The following ABHD18 variants were observed in gnomAD, a reference collection of about 807,000 sequenced individuals.
ABHD18 encodes abhydrolase domain containing 18.
Under a neutral mutation model 65.9 loss-of-function variants are expected in ABHD18, and 55 were observed. The ratio of observed to expected loss-of-function variants is 0.84; its 90% CI spans 0.67 to 1.05. ABHD18 has a LOEUF of 1.05. ABHD18 is among the 50% of genes least tolerant of loss of function. The probability of loss-of-function intolerance (pLI) is 0.00; values close to 1 mark genes in which losing one functional copy is unlikely to be tolerated. For missense variants in ABHD18, 533 were observed against 558.5 expected (o/e 0.95, Z 0.46); for synonymous variants, 181 against 180.2 (o/e 1.00, Z -0.04).
rs1394228108 is a variant in ABHD18 at position 128,039,812 on chromosome 4, CTT to C, written c.*4001_*4002del. 1 of 151,986 alleles carries C rather than the reference CTT, an allele frequency of 6.6e-6. No homozygotes were observed. The highest frequency in any genetic ancestry group is 1.5e-5 in the Non-Finnish European group (1 of 67,994). The allele number at this position is 151,986 out of a possible 1,614,324, so 9.4% of individuals were successfully genotyped here. On this transcript the variant is annotated 3_prime_UTR_variant, in exon 13 of 13. Coordinates refer to ENST00000645843, the MANE Select transcript of ABHD18 (RefSeq NM_001358451.3). ...CTTGAACTGAGTGTATATGTTCCCT[CTT>C]TGTTATTATGCCCTAAACAAGGTAA...
chr4:127,979,109 A>C (rs980360189), intron 1 of ABHD18, among the ~76,000 whole-genome samples: 1 of 152,264 alleles, frequency 6.6e-6, no homozygotes, highest in South Asian at 2.1e-4. Flanking sequence ...AATATTTATC[A>C]TCATAATAAA....
At chr4:128,014,904 C>G (rs908897356) in intron 7 of ABHD18, among the ~76,000 whole-genome samples, 4 of 152,022 alleles carry the variant, frequency 2.6e-5, no homozygotes, top group Admixed American at 2.0e-4. Context: ...AGTGTAAAAC[C>G]CTGTCTCTAC....
intron 4 of ABHD18, among the ~76,000 whole-genome samples, chr4:128,007,873 T>A (rs1753879237): frequency 1.3e-5 from 2 of 152,184 alleles, no homozygotes; most frequent in African/African-American, 2.4e-5. Context: ...CTAAAAGTTT[T>A]AAAAAAAGAC....
At position 128,028,793 on chromosome 4, in the gene ABHD18, G is replaced by A. The variant is rs1560935741; in HGVS notation, c.1120G>A (p.Glu374Lys). ...ACAAAGCAGAAACAGTCTTCGGAAAGAGTCTTTAATATTTATGAAAGGAGT... is the reference window on the plus strand; with the variant it reads ...ACAAAGCAGAAACAGTCTTCGGAAAAAGTCTTTAATATTTATGAAAGGAGT... Reference protein sequence around the residue: ...KEQSRNSLRKESLIFMKGVMD... With the variant: ...KEQSRNSLRKKSLIFMKGVMD... The change falls in exon 11 of 13, where the codon GAG becomes AAG. Residue 374 changes from glutamate (E) to lysine (K), a missense_variant. Coordinates refer to ENST00000645843, the MANE Select transcript of ABHD18 (RefSeq NM_001358451.3). 6.2e-7 allele frequency: 1 copy of A among 1,609,160 alleles called. No homozygotes were observed. The highest frequency in any genetic ancestry group is 1.3e-5 in the African/African-American group (1 of 74,672).
chr4:127,986,026 A>G (rs561945584), intron 3 of ABHD18, among the ~76,000 whole-genome samples: 7 of 152,290 alleles, frequency 4.6e-5, no homozygotes, highest in African/African-American at 1.7e-4. Context: ...AGAAAAAAAA[A>G]TTGAGATAAA....
chr4:127,991,320 G>C (rs1215747014), intron 4 of ABHD18, among the ~76,000 whole-genome samples: 1 of 152,078 alleles, frequency 6.6e-6, no homozygotes, highest in Admixed American at 6.5e-5. Context: ...TCCGCCTCCC[G>C]GGTTCAGGTG....
At chr4:127,984,668 C>A (rs1049327649) in intron 3 of ABHD18, among the ~76,000 whole-genome samples, 2 of 151,828 alleles carry the variant, frequency 1.3e-5, no homozygotes, top group African/African-American at 4.8e-5. Flanking sequence ...ACCAGCCTGA[C>A]CAACATGGAG....
At chr4:128,008,234 C>T (rs1438590963) in intron 4 of ABHD18, among the ~76,000 whole-genome samples, 1 of 148,376 alleles carries the variant, frequency 6.7e-6, no homozygotes, top group African/African-American at 2.5e-5. Context: ...CGCCCTCTAG[C>T]CTGGGCAACA....
rs1758874139 is a variant in ABHD18 at position 128,036,261 on chromosome 4, TTTGA to T, written c.*449_*452del. 1.3e-5 allele frequency: 2 copies of T among 152,356 alleles called. No homozygotes were observed. Among genetic ancestry groups the T allele is most frequent in the African/African-American group, 4.8e-5 (2 of 41,474 alleles). The allele number at this position is 152,356 out of a possible 1,614,324, so 9.4% of individuals were successfully genotyped here. ...CTTGATTTGAGAAACATGTTTATTT[TTTGA>T]ATGTTCTTGTGTTCAACTAATTTTC... On this transcript the variant is annotated 3_prime_UTR_variant, in exon 13 of 13. Coordinates refer to ENST00000645843, the MANE Select transcript of ABHD18 (RefSeq NM_001358451.3).
chr4:128,038,981 A>AT lies in ABHD18; in HGVS notation c.*3174dup, dbSNP rs1759103013. 1 of 151,444 alleles carries AT rather than the reference A, an allele frequency of 6.6e-6. No homozygotes were observed. The highest frequency in any genetic ancestry group is 2.1e-4 in the South Asian group (1 of 4,822). 9.4% of individuals were successfully genotyped at this position (151,444 alleles called of 1,614,324 possible). On this transcript the variant is annotated 3_prime_UTR_variant, in exon 13 of 13. Transcript: ENST00000645843. ...AAAGTGCAAAATAACTTTTCTTAGGATTTTTTAATCTATTCCCCCCAAAAT... is the reference window on the plus strand; with the variant it reads ...AAAGTGCAAAATAACTTTTCTTAGGATTTTTTTAATCTATTCCCCCCAAAAT...
In ABHD18 at chr4:128,035,805, G is replaced by A. The variant is rs1196715199; in HGVS notation, c.1387G>A (p.Ala463Thr). 19 of 1,533,714 alleles carry A rather than the reference G, an allele frequency of 1.2e-5. No individual in the cohort carries two copies. In the Admixed American group the frequency reaches 2.4e-4, roughly 19 times the overall value. ...DAFDRFLHKYAN is the reference protein window; with the variant it reads ...DAFDRFLHKYTN Reference sequence around the variant, plus strand: ...ATTTGACCGCTTCCTCCATAAATACGCTAACTAGTTGGATTATTATATGTA... The same window carrying A: ...ATTTGACCGCTTCCTCCATAAATACACTAACTAGTTGGATTATTATATGTA... Residue 463 changes from alanine (A) to threonine (T), a missense_variant, in exon 13 of 13, where the codon GCT becomes ACT. Physicochemically the swap from Ala to Thr is moderately conservative, Grantham distance 58. Around this residue, in one of 3 missense-constraint regions of ABHD18, gnomAD observed 220 missense variants for 226.8 expected, o/e 0.97. Coordinates refer to ENST00000645843, the MANE Select transcript of ABHD18 (RefSeq NM_001358451.3).
chr4:127,980,152 G>T (rs1748756827), intron 1 of ABHD18, among the ~76,000 whole-genome samples: 1 of 152,112 alleles, frequency 6.6e-6, no homozygotes. Context: ...GAGGTGATTA[G>T]GTTATGAGGG....
At position 127,965,431 on chromosome 4, in the gene ABHD18, G is replaced by A. The variant is rs573255957; in HGVS notation, c.-193G>A. The A allele has an allele frequency of 6.9e-5, 38 of 548,286 alleles. No homozygotes were observed. Among genetic ancestry groups the A allele is most frequent in the African/African-American group, 5.1e-4 (27 of 52,894 alleles). The allele number at this position is 548,286 out of a possible 1,614,324, so 34.0% of individuals were successfully genotyped here. The stretch of plus-strand genomic sequence containing the variant: ...AAACTGCCGCGCCGCCCTGCTCCGG[G>A]TTTGTCTTCCTCCCTCCGTTTCTCC... On this transcript the variant is annotated 5_prime_UTR_variant, in exon 1 of 13. Transcript: ENST00000645843.
chr4:128,014,472 T>A (rs1052616492), intron 7 of ABHD18, among the ~76,000 whole-genome samples: 2 of 152,204 alleles, frequency 1.3e-5, no homozygotes, highest in Admixed American at 6.5e-5. Context: ...GTTTACTGAT[T>A]ACCTCATTCA....
intron 1 of ABHD18, among the ~76,000 whole-genome samples, chr4:127,980,359 G>A (rs190754197): frequency 4.2e-4 from 64 of 152,212 alleles, no homozygotes; most frequent in African/African-American, 1.4e-3. Context: ...ATTTTAAGAA[G>A]TAAATTTCTC....
intron 4 of ABHD18, among the ~76,000 whole-genome samples, chr4:127,992,978 T>C (rs1451169465): frequency 1.3e-5 from 2 of 152,180 alleles, no homozygotes; most frequent in African/African-American, 4.8e-5. Context: ...CATGTGCCTA[T>C]AGTCTTATAT....
At position 128,009,200 on chromosome 4, in the gene ABHD18, T is replaced by C. The variant is rs546956531; in HGVS notation, c.442+9T>C. On this transcript the variant is annotated intron_variant, in intron 6 of 12. Coordinates refer to ENST00000645843, the MANE Select transcript of ABHD18 (RefSeq NM_001358451.3). ...GTTAGAAAACCCTTATTATATCCTT[T>C]TGTGATATCTAAGAAATCTTTTGCC... 7.1e-7 allele frequency: 1 copy of C among 1,412,500 alleles called. No homozygotes were observed. Among genetic ancestry groups the C allele is most frequent in the Non-Finnish European group, 9.3e-7 (1 of 1,073,186 alleles). The allele number at this position is 1,412,500 out of a possible 1,614,324, so 87.5% of individuals were successfully genotyped here. A position where few individuals can be genotyped will look rare whatever the true frequency, so the allele number is the denominator to read the frequency against.
rs558350040 is a variant in ABHD18 at position 128,007,241 on chromosome 4, C to G, written c.279-1679C>G. Among the ~76,000 whole-genome samples, 4 of 151,206 alleles carry G rather than the reference C, an allele frequency of 2.6e-5. No homozygotes were observed. In the Middle Eastern group the frequency reaches 0.014, roughly 518 times the overall value. ...GGCTGAGGTGGGAGGACTGCTTGAGCCCAGCAGGTCAGGGCTGCAGTGAGC... is the reference window on the plus strand; with the variant it reads ...GGCTGAGGTGGGAGGACTGCTTGAGGCCAGCAGGTCAGGGCTGCAGTGAGC... On this transcript the variant is annotated intron_variant, in intron 4 of 12. Coordinates refer to ENST00000645843, the MANE Select transcript of ABHD18 (RefSeq NM_001358451.3).
Position 128,030,493 on chromosome 4 carries a change from A to T in ABHD18, c.1181-17A>T, listed in dbSNP as rs752290206. On this transcript the variant is annotated splice_polypyrimidine_tract_variant and intron_variant, in intron 11 of 12. Coordinates refer to ENST00000645843, the MANE Select transcript of ABHD18 (RefSeq NM_001358451.3). ...TCTAATGTGTATATGTTGAATTTTTAAAAATCCTATACCTAGTCCCAGTTG... is the reference window on the plus strand; with the variant it reads ...TCTAATGTGTATATGTTGAATTTTTTAAAATCCTATACCTAGTCCCAGTTG... 5.4e-6 allele frequency: 8 copies of T among 1,469,698 alleles called. No individual in the cohort carries two copies. Among genetic ancestry groups the T allele is most frequent in the South Asian group, 3.0e-5 (2 of 66,544 alleles). 91.0% of individuals were successfully genotyped at this position (1,469,698 alleles called of 1,614,324 possible). A position where few individuals can be genotyped will look rare whatever the true frequency, so the allele number is the denominator to read the frequency against.
Sources: allele counts gnomAD v4.1 joint callset (sites outside exome capture counted in the v4.1 genomes callset), GRCh38; gene constraint gnomAD v4.1.1; regional missense constraint gnomAD v4.1.1; transcripts MANE v1.5; gene names NCBI Gene and HGNC (gene_info 2026-07-23, HGNC 2026-07-21).